ATP2A1: variants seen among roughly 807,000 people sequenced by gnomAD.
ATP2A1 encodes sarcoplasmic/endoplasmic reticulum calcium ATPase 1.
A neutral mutation model predicts 109.5 loss-of-function variants in ATP2A1; 83 were observed. The observed-to-expected ratio is 0.76, with a 90% CI of 0.63 to 0.91. ATP2A1 has a LOEUF of 0.91. Among genes scored for constraint, ATP2A1 ranks in the 40% least tolerant of loss-of-function variants. The pLI is 0.00. For synonymous variants in ATP2A1, 505 were observed against 537.6 expected (o/e 0.94, Z 0.84); for missense variants, 1,101 against 1,341.0 (o/e 0.82, Z 2.80).
At chr16:28,879,304 C>A in intron 2 of ATP2A1, 188 bp downstream of exon 2, 1 of 885,810 alleles carries the variant, frequency 1.1e-6, no homozygotes. Context: ...TTGAAGCAGC[C>A]AACCCTTGAA....
chr16:28,891,983 T>A (rs1048036958), intron 9 of ATP2A1, among the ~76,000 whole-genome samples: 12 of 152,192 alleles, frequency 7.9e-5, no homozygotes, highest in Non-Finnish European at 1.6e-4. Context: ...TACAGTTCTA[T>A]CAAAATTTTT....
intron 12 of ATP2A1, among the ~76,000 whole-genome samples, chr16:28,895,212 A>G (rs1046226236): frequency 1.3e-5 from 2 of 152,258 alleles, no homozygotes; most frequent in Admixed American, 1.3e-4. Flanking sequence ...AAAGCTGGAC[A>G]CGGAAACCAC....
rs934025783 is a variant in ATP2A1, at chr16:28,883,726, A to G, written c.464-849A>G. Among the ~76,000 whole-genome samples, 1 of 150,798 alleles carries G rather than the reference A, an allele frequency of 6.6e-6. No homozygotes were observed. Among genetic ancestry groups the G allele is most frequent in the Non-Finnish European group, 1.5e-5 (1 of 67,672 alleles). ...CGTCTCCCTGGCCTCACCTCCACCC[A>G]TTCACTCTCCAGCCTGTGCTGCCCG... On this transcript the variant is annotated intron_variant, in intron 5 of 22. Coordinates refer to ENST00000395503, the MANE Select transcript of ATP2A1 (RefSeq NM_004320.6). The surrounding 1 kb of genome is among the most constrained non-coding windows in gnomAD (Gnocchi z 5.2).
intron 9 of ATP2A1, among the ~76,000 whole-genome samples, chr16:28,889,202 C>T (rs1168041489): frequency 1.3e-5 from 2 of 152,058 alleles, no homozygotes; most frequent in African/African-American, 4.8e-5. Flanking sequence ...GTCTCTCATC[C>T]CTCACAATAG....
intron 9 of ATP2A1, among the ~76,000 whole-genome samples, chr16:28,893,920 CAG>C (rs1469425694): frequency 2.6e-5 from 4 of 152,072 alleles, no homozygotes; most frequent in African/African-American, 9.7e-5. Context: ...GCTGGGATTA[CAG>C]GTGTGAGCCA....
intron 8 of ATP2A1, among the ~76,000 whole-genome samples, chr16:28,888,020 C>T (rs1963664884): frequency 6.6e-6 from 1 of 151,998 alleles, no homozygotes; most frequent in East Asian, 1.9e-4. Context: ...CCAGGATGGT[C>T]TCGATCTCCT....
rs1294417936 is a variant in ATP2A1, at chr16:28,878,675, G to C, written c.4G>C (p.Glu2Gln). 6.3e-7 allele frequency: 1 copy of C among 1,597,862 alleles called. No homozygotes were observed. ...CGGCCCCCAGGAAGGGAGCACAATG[G>C]AGGCCGCTCATGCTAAAACCACGGA... M[E>Q]AAHAKTTEEC... is the part of the protein sequence containing the mutation. Residue 2 changes from glutamate to glutamine, a missense_variant, in exon 1 of 23, where the codon GAG becomes CAG. Transcript: ENST00000395503.
chr16:28,899,357 T>C (rs1415354160), intron 14 of ATP2A1, among the ~76,000 whole-genome samples: 1 of 152,192 alleles, frequency 6.6e-6, no homozygotes, highest in East Asian at 1.9e-4. Context: ...AACACACATT[T>C]TGGCTGGGCA....
Position 28,880,219 on chromosome 16 carries a change from G to T in ATP2A1, c.219+636G>T. 1 of 776,604 alleles carries T rather than the reference G, an allele frequency of 1.3e-6. No homozygotes were observed. The highest frequency in any genetic ancestry group is 1.6e-6 in the Non-Finnish European group (1 of 635,516). The allele number at this position is 776,604 out of a possible 1,614,324, so 48.1% of individuals were successfully genotyped here. A position where few individuals can be genotyped will look rare whatever the true frequency, so the allele number is the denominator to read the frequency against. On this transcript the variant is annotated intron_variant, in intron 3 of 22. Coordinates refer to ENST00000395503, the MANE Select transcript of ATP2A1 (RefSeq NM_004320.6). This position sits in a 1 kb window ranked among gnomAD's most constrained non-coding sequence, Gnocchi z 4.2. ...GCTCTGCCTCCTCTCCCGCCCTGGGGGCTACTCCCCATCCCGCGGTCCATC... is the reference window on the plus strand; with the variant it reads ...GCTCTGCCTCCTCTCCCGCCCTGGGTGCTACTCCCCATCCCGCGGTCCATC...
rs200278446 is a variant in ATP2A1 at position 28,900,767 on chromosome 16, C to T, written c.1951C>T (p.Arg651Cys). The change falls in exon 15 of 23, where the codon CGC (arginine) becomes TGC (cysteine). Residue 651 changes from arginine (R) to cysteine (C), a missense_variant. Arg to Cys is a radical substitution (Grantham distance 180). Coordinates refer to ENST00000395503, the MANE Select transcript of ATP2A1 (RefSeq NM_004320.6). ...TGGGGAGAACGAGGAGGTGGCCGAT[C>T]GCGCCTACACGGGCCGAGAGTTCGA... The part of the protein sequence containing the change: ...IFGENEEVAD[R>C]AYTGREFDDL... 1.4e-5 allele frequency: 22 copies of T among 1,614,086 alleles called. No homozygotes were observed. The highest frequency in any genetic ancestry group is 6.7e-5 in the Admixed American group (4 of 60,006).
chr16:28,901,796 TAAAAC>T, intron 15 of ATP2A1, 62 bp from the exon 16 acceptor site: 1 of 1,419,682 alleles, frequency 7.0e-7, no homozygotes, highest in Admixed American at 1.9e-5. Context: ...ATCCCTAAAA[TAAAAC>T]CTTTTTTAAA....
chr16:28,887,718 C>A lies in ATP2A1; in HGVS notation c.924C>A (p.Pro308=). Residue 308 remains proline (P), a synonymous_variant, in exon 8 of 23, where the codon CCC becomes CCA. Coordinates refer to ENST00000395503, the MANE Select transcript of ATP2A1 (RefSeq NM_004320.6). ...TGGCCTTGGCTGTGGCTGCCATCCC[C>A]GAAGGTATGAAAGCCTTTCTTTTCT... ...IAVALAVAAI[P]EGLPAVITTC... The A allele has an allele frequency of 6.2e-7, 1 of 1,613,902 alleles. No homozygotes were observed. Among genetic ancestry groups the A allele is most frequent in the Non-Finnish European group, 8.5e-7 (1 of 1,180,026 alleles).
chr16:28,881,007 G>A lies in ATP2A1; in HGVS notation c.312G>A (p.Val104=), dbSNP rs1281685262. The A allele has an allele frequency of 1.9e-6, 3 of 1,613,972 alleles. No individual in the cohort carries two copies. Among genetic ancestry groups the A allele is most frequent in the African/African-American group, 2.7e-5 (2 of 74,892 alleles). ...ILLILIANAI[V]GVWQERNAEN... ...TGATCCTCATTGCCAATGCCATCGT[G>A]GGGGTTTGGCAGGTTAGCGTTGACC... Residue 104 remains valine (V), a synonymous_variant, in exon 4 of 23, where the codon GTG becomes GTA. Coordinates refer to ENST00000395503, the MANE Select transcript of ATP2A1 (RefSeq NM_004320.6).
At position 28,879,339 on chromosome 16, in the gene ATP2A1, TTTCTGGACTCCAGGCGAGC is replaced by T. The variant is rs1827587174; in HGVS notation, c.137-157_137-139del. The T allele has an allele frequency of 1.2e-5, 10 of 861,028 alleles. No individual in the cohort carries two copies. The South Asian group carries it at 1.5e-4, about 13-fold the overall frequency. The allele number at this position is 861,028 out of a possible 1,614,324, so 53.3% of individuals were successfully genotyped here. A position where few individuals can be genotyped will look rare whatever the true frequency, so the allele number is the denominator to read the frequency against. On this transcript the variant is annotated intron_variant, in intron 2 of 22. Transcript: ENST00000395503. ...ACTGCCCCCCACTTTGCCGAGTCTG[TTTCTGGACTCCAGGCGAGC>T]TTCTTAGCCCTTCTCTGGGCACCAA...
Position 28,883,614 on chromosome 16 carries a change from T to G in ATP2A1, c.464-961T>G, listed in dbSNP as rs1963546542. Reference sequence around the variant, plus strand: ...CAGCGGCCCTGGGAGATTCTTAGCCTCCTCCTAAGGTCTCTGAGTCTGGCT... The same window carrying G: ...CAGCGGCCCTGGGAGATTCTTAGCCGCCTCCTAAGGTCTCTGAGTCTGGCT... On this transcript the variant is annotated intron_variant, in intron 5 of 22. Transcript: ENST00000395503. The surrounding 1 kb of genome is among the most constrained non-coding windows in gnomAD (Gnocchi z 5.2). 6.6e-6 allele frequency among the ~76,000 whole-genome samples: 1 copy of G among 152,022 alleles called. No homozygotes were observed. Among genetic ancestry groups the G allele is most frequent in the South Asian group, 2.1e-4 (1 of 4,830 alleles).
chr16:28,899,586 C>T (rs1405788207), intron 14 of ATP2A1, among the ~76,000 whole-genome samples: 1 of 141,600 alleles, frequency 7.1e-6, no homozygotes, highest in Non-Finnish European at 1.5e-5. Flanking sequence ...TTGCAGTGAG[C>T]AGAGATCGTG....
chr16:28,903,273 C>T lies in ATP2A1; in HGVS notation c.2863-50C>T, dbSNP rs1394917824. ...GGAGTGGGCTGGGCAGTGCTGGTCT[C>T]TGGCTCCCTCCCCACCCCCTCCTGA... On this transcript the variant is annotated intron_variant, in intron 20 of 22. Transcript: ENST00000395503. This position sits in a 1 kb window ranked among gnomAD's most constrained non-coding sequence, Gnocchi z 5.6. 1 of 1,581,678 alleles carries T rather than the reference C, an allele frequency of 6.3e-7. No homozygotes were observed. Among genetic ancestry groups the T allele is most frequent in the Admixed American group, 1.7e-5 (1 of 59,986 alleles).
rs1446214122 is a variant in ATP2A1, at chr16:28,883,562, C to T, written c.463+973C>T. 6.6e-6 allele frequency among the ~76,000 whole-genome samples: 1 copy of T among 152,178 alleles called. No homozygotes were observed. Among genetic ancestry groups the T allele is most frequent in the East Asian group, 1.9e-4 (1 of 5,198 alleles). On this transcript the variant is annotated intron_variant, in intron 5 of 22. Coordinates refer to ENST00000395503, the MANE Select transcript of ATP2A1 (RefSeq NM_004320.6). The surrounding 1 kb of genome is among the most constrained non-coding windows in gnomAD (Gnocchi z 5.2). ...AGCGATTGGACCCTGTCCCCAGTAC[C>T]ATCCGTGGGACCAGTGCGGAATTAG... is the stretch of plus-strand genomic sequence containing the variant.
chr16:28,896,867 AT>A (rs1963932893), intron 12 of ATP2A1, among the ~76,000 whole-genome samples: 1 of 151,628 alleles, frequency 6.6e-6, no homozygotes, highest in Non-Finnish European at 1.5e-5. Context: ...CTGATTTTGT[AT>A]TTTTAGTAGA....
Sources: allele counts gnomAD v4.1 joint callset (sites outside exome capture counted in the v4.1 genomes callset), GRCh38; gene constraint gnomAD v4.1.1; non-coding constraint Gnocchi (gnomAD v3.1); transcripts MANE v1.5; gene names NCBI Gene and HGNC (gene_info 2026-07-23, HGNC 2026-07-21).